SIPA1L1: variants seen among roughly 807,000 people sequenced by gnomAD.
SIPA1L1 encodes signal induced proliferation associated 1 like 1, also known as signal-induced proliferation-associated 1-like protein 1.
SIPA1L1 carries 26 observed loss-of-function variants against 162.7 expected under a neutral mutation model. The ratio of observed to expected loss-of-function variants is 0.16; its 90% CI spans 0.12 to 0.22. SIPA1L1 has a LOEUF of 0.22. Among genes scored for constraint, SIPA1L1 ranks in the 10% least tolerant of loss-of-function variants. The pLI, the probability that SIPA1L1 is intolerant of heterozygous loss-of-function variation, is 1.00. For missense variants in SIPA1L1, 1,874 were observed against 2,241.0 expected (o/e 0.84, Z 3.31); for synonymous variants, 829 against 837.4 (o/e 0.99, Z 0.17).
intron 2 of SIPA1L1, among the ~76,000 whole-genome samples, chr14:71,409,317 G>C (rs140065864): frequency 1.4e-3 from 210 of 152,242 alleles, no homozygotes; most frequent in Non-Finnish European, 2.5e-3. Flanking sequence ...GGTGTGGCTA[G>C]AGTAGAGTGG....
intron 19 of SIPA1L1, among the ~76,000 whole-genome samples, chr14:71,727,951 T>C (rs1212486549): frequency 1.3e-5 from 2 of 152,176 alleles, no homozygotes; most frequent in African/African-American, 2.4e-5. Flanking sequence ...GTTTTAACTT[T>C]TCATAGGGCA....
At chr14:71,416,814 ATTCT>A (rs1298679117) in intron 2 of SIPA1L1, among the ~76,000 whole-genome samples, 1 of 151,966 alleles carries the variant, frequency 6.6e-6, no homozygotes, top group Non-Finnish European at 1.5e-5. Context: ...TAAATCCATC[ATTCT>A]TTTTTAAATT....
At position 71,672,617 on chromosome 14, in the gene SIPA1L1, G is replaced by A. The variant is rs144855084; in HGVS notation, c.3099G>A (p.Pro1033=). ...TTCCCCCGCATGATGACTGCACCCCGCGGAGGTAGGTCTGAGGAGACAGCT... is the reference window on the plus strand; with the variant it reads ...TTCCCCCGCATGATGACTGCACCCCACGGAGGTAGGTCTGAGGAGACAGCT... ...VIIPPHDDCT[P]RRSCSETYRM... Residue 1033 remains proline, a synonymous_variant, in exon 12 of 24, where the codon CCG becomes CCA. Transcript: ENST00000381232. The A allele has an allele frequency of 1.2e-5, 20 of 1,613,142 alleles. No individual in the cohort carries two copies. The highest frequency in any genetic ancestry group is 4.5e-5 in the East Asian group (2 of 44,862).
chr14:71,690,231 T>C (rs1368373000), intron 13 of SIPA1L1, among the ~76,000 whole-genome samples: 1 of 152,046 alleles, frequency 6.6e-6, no homozygotes, highest in African/African-American at 2.4e-5. Context: ...GCCCATTGAC[T>C]TCCATATTTC....
intron 8 of SIPA1L1, among the ~76,000 whole-genome samples, chr14:71,651,137 T>G (rs566770837): frequency 6.6e-6 from 1 of 152,324 alleles, no homozygotes; most frequent in East Asian, 1.9e-4. Flanking sequence ...GTCCCCAAGT[T>G]GTCAGTAAAA....
At chr14:71,391,670 A>G (rs1016721119) in intron 2 of SIPA1L1, among the ~76,000 whole-genome samples, 2 of 152,220 alleles carry the variant, frequency 1.3e-5, no homozygotes, top group African/African-American at 2.4e-5. Context: ...GTACTCTACC[A>G]TGGTTAGAGA....
chr14:71,559,128 C>T (rs1219242385), intron 4 of SIPA1L1, among the ~76,000 whole-genome samples: 2 of 150,312 alleles, frequency 1.3e-5, no homozygotes, highest in African/African-American at 4.9e-5. Flanking sequence ...AGTGCAGTGG[C>T]GCTATCTCAG....
intron 16 of SIPA1L1, among the ~76,000 whole-genome samples, chr14:71,708,029 G>GTTTTTTTTTTTTTTTTTT (rs58827391): frequency 6.1e-5 from 5 of 82,084 alleles, no homozygotes; most frequent in Non-Finnish European, 1.1e-4. Context: ...TTTTTTTTTT[G>GTTTTTTTTTTTTTTTTTT]TTTTTTTTTT....
At position 71,672,495 on chromosome 14, in the gene SIPA1L1, C is replaced by T; in HGVS notation, c.2977C>T (p.Arg993Cys). The T allele has an allele frequency of 5.0e-6, 8 of 1,614,154 alleles. No homozygotes were observed. The highest frequency in any genetic ancestry group is 6.8e-6 in the Non-Finnish European group (8 of 1,180,016). The change falls in exon 12 of 24, where the codon CGC becomes TGC. Residue 993 changes from arginine to cysteine, a missense_variant. This residue lies in a region of SIPA1L1 where 936 missense variants were observed against 1,051.9 expected (regional missense o/e 0.89). Coordinates refer to ENST00000381232, the MANE Select transcript of SIPA1L1 (RefSeq NM_001386936.1). ...AWQAGLRQGSRLVEICKVAVA... is the reference protein window; with the variant it reads ...AWQAGLRQGSCLVEICKVAVA... ...GCAGGCAGGGCTGAGGCAGGGCAGT[C>T]GCCTGGTGGAGATCTGCAAGGTGGC...
chr14:71,721,341 A>G (rs995528290), intron 17 of SIPA1L1, among the ~76,000 whole-genome samples: 2 of 152,166 alleles, frequency 1.3e-5, no homozygotes, highest in Non-Finnish European at 2.9e-5. Flanking sequence ...AGGTGATTCA[A>G]GCACTCCCAT....
intron 17 of SIPA1L1, among the ~76,000 whole-genome samples, chr14:71,720,813 G>A (rs951630267): frequency 1.3e-5 from 2 of 151,992 alleles, no homozygotes; most frequent in South Asian, 4.2e-4. Flanking sequence ...CAATCTCTTT[G>A]ATCTCTTTGT....
chr14:71,722,227 C>T (rs2083805308), intron 17 of SIPA1L1, among the ~76,000 whole-genome samples: 3 of 152,132 alleles, frequency 2.0e-5, no homozygotes, highest in African/African-American at 7.2e-5. Context: ...TGATCACTCA[C>T]CTGATTTTGG....
intron 4 of SIPA1L1, among the ~76,000 whole-genome samples, chr14:71,549,845 G>A (rs146628350): frequency 4.3e-4 from 66 of 152,176 alleles, no homozygotes; most frequent in Middle Eastern, 3.4e-3. Flanking sequence ...GGAAGTTGAC[G>A]GTCATGCTTG....
chr14:71,474,924 G>A (rs1473062305), intron 2 of SIPA1L1, among the ~76,000 whole-genome samples: 1 of 152,192 alleles, frequency 6.6e-6, no homozygotes, highest in Non-Finnish European at 1.5e-5. Context: ...AACATTTTGT[G>A]TGTGTAGGTG....
rs192158091 is a variant in SIPA1L1, at chr14:71,639,160, G to A, written c.1819-11175G>A. Among the ~76,000 whole-genome samples, 91 of 152,312 alleles carry A rather than the reference G, an allele frequency of 6.0e-4. No individual in the cohort carries two copies. In the Middle Eastern group the frequency reaches 0.01, roughly 17 times the overall value. On this transcript the variant is annotated intron_variant, in intron 7 of 23. Coordinates refer to ENST00000381232, the MANE Select transcript of SIPA1L1 (RefSeq NM_001386936.1). ...GATGGCTCACTTCTGTAATCCTAGC[G>A]TTTTGAGAGGCCAAGGAAGGAGGAT...
chr14:71,705,795 G>A (rs1046530155), intron 16 of SIPA1L1, among the ~76,000 whole-genome samples: 5 of 151,886 alleles, frequency 3.3e-5, no homozygotes, highest in South Asian at 2.1e-4. Context: ...CTCCTCTACC[G>A]CTTCTCTTGT....
chr14:71,733,896 A>G, intron 21 of SIPA1L1, 84 bp downstream of exon 21: 8 of 1,413,722 alleles, frequency 5.7e-6, no homozygotes, highest in Non-Finnish European at 7.6e-6. Flanking sequence ...CTCTGGACAC[A>G]CTCAAAACAT....
At chr14:71,321,344 G>C (rs976948838) in intron 2 of SIPA1L1, 163 bp downstream of exon 2, 40 of 152,550 alleles carry the variant, frequency 2.6e-4, no homozygotes, top group African/African-American at 8.7e-4. Flanking sequence ...TGGTAGCTTA[G>C]CCCGGCGGGG....
intron 3 of SIPA1L1, among the ~76,000 whole-genome samples, chr14:71,514,856 A>G (rs899099416): frequency 6.6e-6 from 1 of 152,242 alleles, no homozygotes; most frequent in African/African-American, 2.4e-5. Flanking sequence ...AGTGTAAAAG[A>G]CACTGTGTGC....
Sources: allele counts gnomAD v4.1 joint callset (sites outside exome capture counted in the v4.1 genomes callset), GRCh38; gene constraint gnomAD v4.1.1; regional missense constraint gnomAD v4.1.1; transcripts MANE v1.5; gene names NCBI Gene and HGNC (gene_info 2026-07-23, HGNC 2026-07-21).